The following ITGA9 variants were observed in gnomAD, a reference collection of about 807,000 sequenced individuals.
The protein encoded by ITGA9 is integrin subunit alpha 9, also known as integrin alpha-9.
Under a neutral mutation model 127.8 loss-of-function variants are expected in ITGA9, and 56 were observed. The ratio of observed to expected loss-of-function variants is 0.44; its 90% CI spans 0.35 to 0.55. The LOEUF (loss-of-function observed/expected upper bound fraction) is 0.55, where lower values mean the gene tolerates loss of function less well. Among genes scored for constraint, ITGA9 ranks in the 20% least tolerant of loss-of-function variants. The pLI is 0.00. For missense variants in ITGA9, 1,196 were observed against 1,347.1 expected (o/e 0.89, Z 1.76); for synonymous variants, 508 against 514.5 (o/e 0.99, Z 0.17).
At chr3:37,570,971 G>C (rs551707149) in intron 15 of ITGA9, among the ~76,000 whole-genome samples, 19 of 152,328 alleles carry the variant, frequency 1.2e-4, no homozygotes, top group African/African-American at 3.8e-4. Flanking sequence ...TTCTCCAATT[G>C]CTTAAGACAC....
intron 3 of ITGA9, among the ~76,000 whole-genome samples, chr3:37,475,836 C>T (rs1163317930): frequency 6.6e-6 from 1 of 152,208 alleles, no homozygotes; most frequent in Admixed American, 6.5e-5. Flanking sequence ...TCTTGCAAAA[C>T]TTACATCCAT....
chr3:37,707,282 T>G (rs1164828738), intron 18 of ITGA9, among the ~76,000 whole-genome samples: 4 of 152,224 alleles, frequency 2.6e-5, no homozygotes, highest in African/African-American at 9.6e-5. Flanking sequence ...ATTTAGTAAT[T>G]TAGTAATGTT....
At chr3:37,757,404 T>C (rs1696666080) in intron 23 of ITGA9, among the ~76,000 whole-genome samples, 1 of 151,856 alleles carries the variant, frequency 6.6e-6, no homozygotes, top group African/African-American at 2.4e-5. Flanking sequence ...GGCTCATGCC[T>C]GTAATCCCAG....
chr3:37,623,483 G>A (rs1700145899), intron 15 of ITGA9, among the ~76,000 whole-genome samples: 1 of 152,118 alleles, frequency 6.6e-6, no homozygotes, highest in Non-Finnish European at 1.5e-5. Flanking sequence ...AACACCTCAA[G>A]GGAAAAGTGC....
chr3:37,668,114 C>A (rs1399701825), intron 17 of ITGA9, among the ~76,000 whole-genome samples: 1 of 152,138 alleles, frequency 6.6e-6, no homozygotes. Context: ...CCTACAGATA[C>A]CATATTTCAG....
At chr3:37,736,684 G>A (rs1446924889) in intron 19 of ITGA9, among the ~76,000 whole-genome samples, 2 of 152,154 alleles carry the variant, frequency 1.3e-5, no homozygotes, top group African/African-American at 2.4e-5. Flanking sequence ...GGAGAGCCTC[G>A]GTGGCGGAAC....
At chr3:37,781,183 G>A (rs1696972189) in intron 25 of ITGA9, among the ~76,000 whole-genome samples, 1 of 152,246 alleles carries the variant, frequency 6.6e-6, no homozygotes, top group Non-Finnish European at 1.5e-5. Context: ...TGCAGTCTGA[G>A]GCTCTCCAGT....
chr3:37,790,399 T>A, intron 26 of ITGA9: 1 of 473,436 alleles, frequency 2.1e-6, no homozygotes, highest in African/African-American at 2.0e-5. Flanking sequence ...TTCTGCTCGG[T>A]TCTCTCGGTT....
At chr3:37,462,502 A>G (rs1039977315) in intron 1 of ITGA9, among the ~76,000 whole-genome samples, 2 of 152,200 alleles carry the variant, frequency 1.3e-5, no homozygotes, top group African/African-American at 2.4e-5. Flanking sequence ...CCCGAAGCAC[A>G]GAGAAGCCAA....
intron 15 of ITGA9, among the ~76,000 whole-genome samples, chr3:37,582,927 C>T (rs1222640255): frequency 2.0e-5 from 3 of 152,202 alleles, no homozygotes; most frequent in Non-Finnish European, 2.9e-5. Flanking sequence ...GCCTTCAAAC[C>T]TCCTGCCCTT....
intron 14 of ITGA9, among the ~76,000 whole-genome samples, chr3:37,538,617 G>A (rs899030634): frequency 1.3e-5 from 2 of 152,186 alleles, no homozygotes; most frequent in African/African-American, 4.8e-5. Context: ...GGCCCTGACC[G>A]CGGAGCCCGG....
At position 37,538,666 on chromosome 3, in the gene ITGA9, C is replaced by T. The variant is rs972529505; in HGVS notation, c.1529-3759C>T. On this transcript the variant is annotated intron_variant, in intron 14 of 27. Transcript: ENST00000264741. ...TGCTTCCCAGACATGTCCTCTGCTT[C>T]CCTTTCCACCAGACCCTTTACCAGT... Among the ~76,000 whole-genome samples the T allele has an allele frequency of 4.0e-4, 61 of 152,334 alleles. 1 individual carries two copies. Among genetic ancestry groups the T allele is most frequent in the Admixed American group, 3.5e-3 (54 of 15,306 alleles).
chr3:37,461,149 T>C (rs1433387570), intron 1 of ITGA9, among the ~76,000 whole-genome samples: 1 of 152,158 alleles, frequency 6.6e-6, no homozygotes, highest in Non-Finnish European at 1.5e-5. Flanking sequence ...CAGATTCAGC[T>C]GAGTAGTGTT....
intron 23 of ITGA9, among the ~76,000 whole-genome samples, chr3:37,767,842 A>G (rs1362994379): frequency 6.6e-6 from 1 of 152,200 alleles, no homozygotes; most frequent in Non-Finnish European, 1.5e-5. Flanking sequence ...GGATCTCCCA[A>G]AGAATGCCAT....
intron 16 of ITGA9, among the ~76,000 whole-genome samples, chr3:37,637,072 C>T (rs1372678318): frequency 6.6e-6 from 1 of 152,300 alleles, no homozygotes; most frequent in African/African-American, 2.4e-5. Context: ...AGCGTGACGC[C>T]TCCAGCTTTG....
At chr3:37,527,595 C>G (rs1053806893) in intron 13 of ITGA9, among the ~76,000 whole-genome samples, 7 of 152,152 alleles carry the variant, frequency 4.6e-5, no homozygotes, top group Admixed American at 2.6e-4. Flanking sequence ...AGCGCTTCCT[C>G]TGGATAAAAC....
chr3:37,456,736 T>C (rs1698263128), intron 1 of ITGA9, among the ~76,000 whole-genome samples: 1 of 152,220 alleles, frequency 6.6e-6, no homozygotes, highest in South Asian at 2.1e-4. Flanking sequence ...CAGTGAGGAA[T>C]AGGAGGCAAT....
intron 16 of ITGA9, among the ~76,000 whole-genome samples, chr3:37,632,005 C>A (rs1700234054): frequency 6.6e-6 from 1 of 152,176 alleles, no homozygotes; most frequent in Admixed American, 6.5e-5. Context: ...CTCCCACAAT[C>A]CACCCAAACA....
chr3:37,617,490 C>T (rs1322279385), intron 15 of ITGA9, among the ~76,000 whole-genome samples: 1 of 152,096 alleles, frequency 6.6e-6, no homozygotes, highest in Non-Finnish European at 1.5e-5. Context: ...TCTGTATTTC[C>T]TGAATTTGAA....
Sources: allele counts gnomAD v4.1 joint callset (sites outside exome capture counted in the v4.1 genomes callset), GRCh38; gene constraint gnomAD v4.1.1; transcripts MANE v1.5; gene names NCBI Gene and HGNC (gene_info 2026-07-23, HGNC 2026-07-21).